NBPF15: variants seen among roughly 807,000 people sequenced by gnomAD.
The protein encoded by NBPF15 is NBPF family member NBPF15.
Under a neutral mutation model 62.2 loss-of-function variants are expected in NBPF15, and 74 were observed. The ratio of observed to expected loss-of-function variants is 1.19; its 90% confidence interval spans 0.99 to 1.44. The LOEUF (loss-of-function observed/expected upper bound fraction) is 1.44, where lower values mean the gene tolerates loss of function less well. Ranked by LOEUF, NBPF15 falls within the 40% of genes most tolerant of loss-of-function variation. The pLI is 0.00. For synonymous variants in NBPF15, 244 were observed against 209.7 expected, an observed-to-expected ratio of 1.16 and a Z score of -1.41; for missense variants, 790 against 550.0, an observed-to-expected ratio of 1.44 and a Z score of -4.36.
intron 8 of NBPF15, among the ~76,000 whole-genome samples, chr1:144,438,996 A>ACTAT (rs1553541977): frequency 1.4e-5 from 2 of 147,800 alleles, no homozygotes; most frequent in African/African-American, 5.3e-5. Context: ...TATTATTATT[A>ACTAT]TTTTTTTTTA....
chr1:144,446,489 T>C (rs1553544097), intron 6 of NBPF15, among the ~76,000 whole-genome samples: 2 of 152,306 alleles, frequency 1.3e-5, no homozygotes, highest in African/African-American at 4.8e-5. Context: ...GGTATTCTAC[T>C]TTTTTCTCTG....
chr1:144,432,694 G>T (rs1317882903), intron 13 of NBPF15, among the ~76,000 whole-genome samples: 2 of 151,732 alleles, frequency 1.3e-5, no homozygotes, highest in East Asian at 1.9e-4. Context: ...AACCAACAAA[G>T]ATCAAAAGAG....
rs1553539602 is a variant in NBPF15, at chr1:144,427,916, G to T, written c.1115C>A (p.Pro372His). Residue 372 changes from proline to histidine, a missense_variant, in exon 16 of 22, where the codon CCT (proline) becomes CAT (histidine). Transcript: ENST00000581897. ...QDSLDRCYST[P>H]SGCLELTDSC... Reference sequence around the variant, plus strand: ...GTCAGTCAGTTCAAGACAACCTGAAGGAGTTGAATAACATCTATCCAGTGA... The same window carrying T: ...GTCAGTCAGTTCAAGACAACCTGAATGAGTTGAATAACATCTATCCAGTGA... The T allele has an allele frequency of 1.9e-4, 138 of 715,978 alleles. 3 individuals are homozygous for T. In the South Asian group the frequency reaches 2.0e-3, roughly 10 times the overall value. 44.4% of individuals were successfully genotyped at this position (715,978 alleles called of 1,614,324 possible). A position where few individuals can be genotyped will look rare whatever the true frequency, so the allele number is the denominator to read the frequency against.
At chr1:144,451,443 C>A (rs1331058456) in intron 4 of NBPF15, among the ~76,000 whole-genome samples, 3 of 151,348 alleles carry the variant, frequency 2.0e-5, no homozygotes, top group Admixed American at 1.3e-4. Flanking sequence ...AGCACAGACC[C>A]TTTACGGGTG....
rs1176933857 is a variant in NBPF15, at chr1:144,432,024, G to A, written c.824+1749C>T. Among the ~76,000 whole-genome samples, 6 of 151,740 alleles carry A rather than the reference G, an allele frequency of 4.0e-5. No homozygotes were observed. In the East Asian group the frequency reaches 1.2e-3, roughly 29 times the overall value. On this transcript the variant is annotated intron_variant, in intron 13 of 21. Transcript: ENST00000581897. ...TACACACCCAGTAATGGGATGGCTGGGTCAAATAGTATTTCTAGTTCTAGA... is the reference window on the plus strand; with the variant it reads ...TACACACCCAGTAATGGGATGGCTGAGTCAAATAGTATTTCTAGTTCTAGA...
chr1:144,445,505 CACAT>C (rs1389124640), intron 6 of NBPF15, among the ~76,000 whole-genome samples: 8 of 147,098 alleles, frequency 5.4e-5, no homozygotes, highest in South Asian at 2.2e-4. Flanking sequence ...TTCAACAAAA[CACAT>C]AATCTTGATT....
chr1:144,427,570 C>G (rs1311950554), intron 16 of NBPF15, among the ~76,000 whole-genome samples: 1 of 147,168 alleles, frequency 6.8e-6, no homozygotes, highest in Non-Finnish European at 1.5e-5. Flanking sequence ...TGCCCAGGTC[C>G]AACGTCATGA....
At position 144,456,510 on chromosome 1, in the gene NBPF15, G is replaced by A. The variant is rs587745268; in HGVS notation, c.-432+27C>T. ...AGAAAAAGGACTCTCTGACTCCATC[G>A]AGCTGGCAATGCCTCAGGGTTTTTA... On this transcript the variant is annotated intron_variant, in intron 4 of 21. Coordinates refer to ENST00000581897, the MANE Select transcript of NBPF15 (RefSeq NM_001385408.1). 4.8e-3 allele frequency: 6,165 copies of A among 1,284,880 alleles called. 268 individuals carry two copies. In the African/African-American group the frequency reaches 0.082, roughly 17 times the overall value. 79.6% of individuals were successfully genotyped at this position (1,284,880 alleles called of 1,614,324 possible).
intron 4 of NBPF15, 54 bp downstream of exon 4, chr1:144,456,483 A>G (rs1647937822): frequency 8.7e-7 from 1 of 1,149,908 alleles, no homozygotes; most frequent in African/African-American, 1.6e-5. Flanking sequence ...CTGAGTCATA[A>G]TAGAAAAAGG....
At chr1:144,451,395 G>A (rs1170437097) in intron 4 of NBPF15, among the ~76,000 whole-genome samples, 2 of 150,666 alleles carry the variant, frequency 1.3e-5, no homozygotes, top group Non-Finnish European at 3.0e-5. Flanking sequence ...TATCTCAACT[G>A]CAAAGAGGCC....
intron 6 of NBPF15, among the ~76,000 whole-genome samples, chr1:144,448,089 G>A (rs1157425320): frequency 6.6e-6 from 1 of 152,030 alleles, no homozygotes; most frequent in Admixed American, 6.6e-5. Flanking sequence ...GCTGATGGGA[G>A]TTTATTTCTC....
At chr1:144,448,137 C>T (rs1688875820) in intron 6 of NBPF15, among the ~76,000 whole-genome samples, 1 of 152,028 alleles carries the variant, frequency 6.6e-6, no homozygotes, top group Non-Finnish European at 1.5e-5. Context: ...CAACAATCTC[C>T]AATGAATTGT....
chr1:144,427,934 T>G lies in NBPF15; in HGVS notation c.1097A>C (p.Asp366Ala). 1 of 764,886 alleles carries G rather than the reference T, an allele frequency of 1.3e-6. No individual in the cohort carries two copies. The highest frequency in any genetic ancestry group is 1.4e-5 in the South Asian group (1 of 72,038). 47.4% of individuals were successfully genotyped at this position (764,886 alleles called of 1,614,324 possible). A position where few individuals can be genotyped will look rare whatever the true frequency, so the allele number is the denominator to read the frequency against. Residue 366 changes from aspartate (D) to alanine (A), a missense_variant, in exon 16 of 22, where the codon GAT becomes GCT. Transcript: ENST00000581897. ...ACCTGAAGGAGTTGAATAACATCTA[T>G]CCAGTGAGTCCTGCAAGACTTCAGG... ...KEPEVLQDSL[D>A]RCYSTPSGCL...
intron 3 of NBPF15, among the ~76,000 whole-genome samples, chr1:144,457,501 G>C (rs587756813): frequency 2.0e-5 from 3 of 151,988 alleles, no homozygotes; most frequent in Admixed American, 2.0e-4. Flanking sequence ...TATTTTATTT[G>C]TTAGATGGTG....
At chr1:144,442,136 TATATATATATA>T (rs1196619628) in intron 6 of NBPF15, among the ~76,000 whole-genome samples, 1 of 11,184 alleles carries the variant, frequency 8.9e-5, no homozygotes, top group East Asian at 4.7e-3. Context: ...CACGTGTATA[TATATATATATA>T]ATATATATAC....
chr1:144,458,155 C>G (rs143257356), intron 3 of NBPF15, among the ~76,000 whole-genome samples: 4 of 152,016 alleles, frequency 2.6e-5, no homozygotes, highest in East Asian at 3.8e-4. Context: ...GTTTACATCA[C>G]ATCACGTCGG....
chr1:144,431,048 C>T (rs1242908986), intron 13 of NBPF15, among the ~76,000 whole-genome samples: 1 of 151,670 alleles, frequency 6.6e-6, no homozygotes, highest in African/African-American at 2.4e-5. Flanking sequence ...AAGAAATGAA[C>T]AAGCCTCCAA....
chr1:144,423,808 C>A, intron 21 of NBPF15, 62 bp downstream of exon 21: 3 of 745,092 alleles, frequency 4.0e-6, no homozygotes, highest in South Asian at 1.4e-5. Flanking sequence ...CTCTGGTTTC[C>A]CTGAATCTGT....
intron 6 of NBPF15, among the ~76,000 whole-genome samples, chr1:144,447,065 T>C (rs1331721770): frequency 6.6e-6 from 1 of 151,548 alleles, no homozygotes. Flanking sequence ...TGTCCCTGCC[T>C]CTCAAGGAAA....
Sources: allele counts gnomAD v4.1 joint callset (sites outside exome capture counted in the v4.1 genomes callset), GRCh38; gene constraint gnomAD v4.1.1; transcripts MANE v1.5; gene names NCBI Gene and HGNC (gene_info 2026-07-23, HGNC 2026-07-21).